The following ZEB1 variants were observed in gnomAD, a reference collection of about 807,000 sequenced individuals.
ZEB1 encodes the protein zinc finger E-box-binding homeobox 1.
ZEB1 carries 21 observed loss-of-function variants against 84.9 expected under a neutral mutation model. That is an observed-to-expected ratio of 0.25 (90% CI 0.18 to 0.36). ZEB1 has a LOEUF of 0.36. Ranked by LOEUF, ZEB1 falls within the 10% of genes least tolerant of loss-of-function variation. ZEB1 has a pLI of 1.00. For synonymous variants in ZEB1, 420 were observed against 471.1 expected, an observed-to-expected ratio of 0.89 and a Z score of 1.41; for missense variants, 1,104 against 1,330.2, an observed-to-expected ratio of 0.83 and a Z score of 2.65.
At chr10:31,457,895 G>A (rs1193410141) in intron 1 of ZEB1, among the ~76,000 whole-genome samples, 1 of 152,080 alleles carries the variant, frequency 6.6e-6, no homozygotes, top group Non-Finnish European at 1.5e-5. Context: ...TGCAATCCAA[G>A]GTCAACCAGA....
At chr10:31,451,576 G>A (rs11008500) in intron 1 of ZEB1, among the ~76,000 whole-genome samples, 2,159 of 152,282 alleles carry the variant, frequency 0.014, 51 homozygotes, top group African/African-American at 0.049. Context: ...GGAAATATTA[G>A]TTATAGGTAA....
At chr10:31,442,491 G>A (rs1452749553) in intron 1 of ZEB1, among the ~76,000 whole-genome samples, 3 of 151,900 alleles carry the variant, frequency 2.0e-5, no homozygotes, top group African/African-American at 7.3e-5. Context: ...ATACCAACAT[G>A]GCACATGTAT....
At chr10:31,344,868 C>T (rs928790568) in intron 1 of ZEB1, among the ~76,000 whole-genome samples, 1 of 152,022 alleles carries the variant, frequency 6.6e-6, no homozygotes, top group Non-Finnish European at 1.5e-5. Flanking sequence ...TTTTCTGAAT[C>T]AGCAGTTTAG....
intron 2 of ZEB1, 28 bp downstream of exon 2, chr10:31,461,265 G>A (rs1418882837): frequency 2.5e-6 from 4 of 1,576,288 alleles, no homozygotes; most frequent in African/African-American, 2.7e-5. Context: ...TTGTAATATT[G>A]TATTCTCATG....
chr10:31,319,514 C>G (rs1021234030), intron 1 of ZEB1: 1 of 572,140 alleles, frequency 1.7e-6, no homozygotes, highest in African/African-American at 2.0e-5. Context: ...ATGTCTCTTA[C>G]CTGGTCTCTC....
At chr10:31,474,201 T>C (rs2063717349) in intron 2 of ZEB1, among the ~76,000 whole-genome samples, 2 of 152,098 alleles carry the variant, frequency 1.3e-5, no homozygotes, top group Non-Finnish European at 2.9e-5. Context: ...AAAGCCAAAA[T>C]TGACAAATGG....
At chr10:31,322,324 A>G (rs1173221160) in intron 1 of ZEB1, among the ~76,000 whole-genome samples, 1 of 152,254 alleles carries the variant, frequency 6.6e-6, no homozygotes, top group African/African-American at 2.4e-5. Context: ...TTGCCTGGCA[A>G]AACGTTAACT....
chr10:31,361,374 G>A (rs1348974256), intron 1 of ZEB1, among the ~76,000 whole-genome samples: 2 of 152,190 alleles, frequency 1.3e-5, no homozygotes, highest in African/African-American at 2.4e-5. Context: ...TGTATTTTCA[G>A]TAGAGACGGA....
chr10:31,450,783 C>T (rs1248812279), intron 1 of ZEB1, among the ~76,000 whole-genome samples: 2 of 152,026 alleles, frequency 1.3e-5, no homozygotes, highest in African/African-American at 4.8e-5. Flanking sequence ...AGTAAAAGCA[C>T]ATATATTTTC....
chr10:31,463,231 G>GA (rs773084267), intron 2 of ZEB1, among the ~76,000 whole-genome samples: 1 of 152,058 alleles, frequency 6.6e-6, no homozygotes, highest in Non-Finnish European at 1.5e-5. Context: ...AAAGGAAGGT[G>GA]AAAAAATCAG....
chr10:31,463,661 G>A (rs1162156902), intron 2 of ZEB1, among the ~76,000 whole-genome samples: 1 of 152,332 alleles, frequency 6.6e-6, no homozygotes, highest in Non-Finnish European at 1.5e-5. Flanking sequence ...GGGAATGGAG[G>A]ATTGTCTTTG....
intron 1 of ZEB1, among the ~76,000 whole-genome samples, chr10:31,379,494 A>G (rs576720848): frequency 5.3e-5 from 8 of 152,056 alleles, no homozygotes; most frequent in African/African-American, 1.7e-4. Flanking sequence ...TTCTACACAC[A>G]CACAGTAACA....
At chr10:31,509,918 A>G (rs2069672255) in intron 4 of ZEB1, among the ~76,000 whole-genome samples, 1 of 152,336 alleles carries the variant, frequency 6.6e-6, no homozygotes, top group South Asian at 2.1e-4. Flanking sequence ...CAGTAAACTA[A>G]TTTATTCAGA....
intron 1 of ZEB1, among the ~76,000 whole-genome samples, chr10:31,432,981 T>C (rs914491916): frequency 1.4e-5 from 2 of 147,148 alleles, no homozygotes; most frequent in African/African-American, 5.5e-5. Context: ...TAACCTCACA[T>C]AGATAGTTAG....
At chr10:31,519,275 C>A (rs220073) in intron 6 of ZEB1, among the ~76,000 whole-genome samples, 114,832 of 152,056 alleles carry the variant, frequency 0.76, 49,213 homozygotes, top group Non-Finnish European at 0.95. Context: ...GGAAAATATT[C>A]CATTTAGCTC....
chr10:31,521,979 A>C, intron 7 of ZEB1, 43 bp downstream of exon 7: 1 of 1,612,940 alleles, frequency 6.2e-7, no homozygotes, highest in South Asian at 1.1e-5. Context: ...GTAATATGCT[A>C]TTTGACTAAT....
chr10:31,362,040 C>T (rs60796175), intron 1 of ZEB1, among the ~76,000 whole-genome samples: 7,989 of 144,312 alleles, frequency 0.055, 317 homozygotes, highest in African/African-American at 0.16. Context: ...GCAGACGGGG[C>T]GGCGGCGGGG....
At chr10:31,353,678 G>C (rs2041667376) in intron 1 of ZEB1, among the ~76,000 whole-genome samples, 1 of 152,228 alleles carries the variant, frequency 6.6e-6, no homozygotes, top group South Asian at 2.1e-4. Flanking sequence ...AGAAGGAATA[G>C]AGATAAAATA....
chr10:31,363,899 C>T, intron 1 of ZEB1: 1 of 1,309,636 alleles, frequency 7.6e-7, no homozygotes, highest in Non-Finnish European at 9.9e-7. Flanking sequence ...GGGAAACGGC[C>T]CACAATTCCC....
Sources: gnomAD v4.1 joint callset for allele counts (sites outside exome capture counted in the v4.1 genomes callset) on GRCh38, gnomAD v4.1.1 for gene constraint, MANE v1.5 for transcripts, NCBI Gene and HGNC (gene_info 2026-07-23, HGNC 2026-07-21) for gene names.